The following EXOSC10 variants were observed in gnomAD, a reference collection of about 807,000 sequenced individuals.
EXOSC10 encodes exosome complex component 10.
A neutral mutation model predicts 126.6 loss-of-function variants in EXOSC10; 94 were observed. That is an observed-to-expected ratio of 0.74 (90% CI 0.63 to 0.88). The LOEUF (loss-of-function observed/expected upper bound fraction) is 0.88. EXOSC10 is among the 40% of genes least tolerant of loss of function. The pLI is 0.00. For synonymous variants in EXOSC10, 395 were observed against 400.8 expected (o/e 0.99, Z 0.17); for missense variants, 1,041 against 1,100.5 (o/e 0.95, Z 0.77).
Position 11,070,521 on chromosome 1 carries a change from C to CAA in EXOSC10, c.2316+377_2316+378dup, listed in dbSNP as rs70977541. 9.6e-4 allele frequency: 108 copies of CAA among 112,710 alleles called. 2 individuals carry two copies. Among genetic ancestry groups the CAA allele is most frequent in the African/African-American group, 3.6e-3 (91 of 24,960 alleles). 7.0% of individuals were successfully genotyped at this position (112,710 alleles called of 1,614,324 possible). ...TGTGCAACAGAGGTAGACACTACTT[C>CAA]AAAAAAAAAAAAAAAAAAAAAAGAG... On this transcript the variant is annotated intron_variant, in intron 21 of 24. Transcript: ENST00000376936.
At chr1:11,080,675 T>C in intron 12 of EXOSC10, 89 bp downstream of exon 12, 1 of 1,600,924 alleles carries the variant, frequency 6.2e-7, no homozygotes, top group Non-Finnish European at 8.5e-7. Flanking sequence ...TAACCAGCTT[T>C]CATAGCAAAA....
At chr1:11,098,615 A>G (rs1035620536) in intron 1 of EXOSC10, among the ~76,000 whole-genome samples, 8 of 152,240 alleles carry the variant, frequency 5.3e-5, no homozygotes, top group Admixed American at 2.0e-4. Flanking sequence ...TTACGACTCA[A>G]GTTCAGATCC....
chr1:11,080,709 T>A (rs1640114991), intron 12 of EXOSC10, 55 bp downstream of exon 12: 1 of 1,607,142 alleles, frequency 6.2e-7, no homozygotes, highest in African/African-American at 1.3e-5. Context: ...TATTTACTTG[T>A]TATTAGATCT....
At chr1:11,069,823 C>G in intron 21 of EXOSC10, 93 bp from the exon 22 acceptor site, 5 of 1,353,590 alleles carry the variant, frequency 3.7e-6, no homozygotes, top group Non-Finnish European at 4.1e-6. Context: ...ACCCAGCTGC[C>G]TAAGTGGTAA....
Position 11,099,672 on chromosome 1 carries a change from C to T in EXOSC10, c.111+49G>A, listed in dbSNP as rs371065722. The T allele has an allele frequency of 9.2e-5, 140 of 1,525,820 alleles. 1 individual carries two copies. The African/African-American group carries it at 1.8e-3, about 19-fold the overall frequency. 94.5% of individuals were successfully genotyped at this position (1,525,820 alleles called of 1,614,324 possible). A position where few individuals can be genotyped will look rare whatever the true frequency, so the allele number is the denominator to read the frequency against. On this transcript the variant is annotated intron_variant, in intron 1 of 24. Transcript: ENST00000376936. ...GCTGCCCAGAGGGCCCAGTCGGCTT[C>T]CGGCGGCCGCGGGCGACTCCTGGTA...
chr1:11,086,359 T>C (rs1216397326), intron 9 of EXOSC10, among the ~76,000 whole-genome samples: 6 of 152,228 alleles, frequency 3.9e-5, no homozygotes, highest in Non-Finnish European at 7.3e-5. Flanking sequence ...GAAGAGTGTA[T>C]GTGTCGAGGA....
At chr1:11,084,985 A>G (rs528325723) in intron 9 of EXOSC10, among the ~76,000 whole-genome samples, 38 of 152,232 alleles carry the variant, frequency 2.5e-4, no homozygotes, top group African/African-American at 8.7e-4. Context: ...CTATTGATCT[A>G]TATCTCTGTT....
intron 17 of EXOSC10, among the ~76,000 whole-genome samples, chr1:11,076,549 C>T (rs143463195): frequency 6.6e-6 from 1 of 152,282 alleles, no homozygotes; most frequent in East Asian, 1.9e-4. Flanking sequence ...GTTCTCTTAG[C>T]GCAGGCCCTC....
At chr1:11,083,353 G>T (rs1023275502) in intron 9 of EXOSC10, among the ~76,000 whole-genome samples, 1 of 152,078 alleles carries the variant, frequency 6.6e-6, no homozygotes, top group East Asian at 1.9e-4. Flanking sequence ...CTTGAGGTCA[G>T]GAGTTTGAGA....
At chr1:11,075,739 T>C (rs1196912694) in intron 17 of EXOSC10, among the ~76,000 whole-genome samples, 1 of 150,540 alleles carries the variant, frequency 6.6e-6, no homozygotes, top group Non-Finnish European at 1.5e-5. Flanking sequence ...TAGTCCCAGC[T>C]ACTCGAGAGA....
chr1:11,073,224 C>G (rs975555489), intron 19 of EXOSC10: 1 of 152,220 alleles, frequency 6.6e-6, no homozygotes, highest in African/African-American at 2.4e-5. Flanking sequence ...GCTCCGCCCC[C>G]CAGGTTCAAG....
chr1:11,080,517 A>G lies in EXOSC10; in HGVS notation c.1619T>C (p.Ile540Thr). The G allele has an allele frequency of 6.2e-7, 1 of 1,611,298 alleles. No homozygotes were observed. Among genetic ancestry groups the G allele is most frequent in the Non-Finnish European group, 8.5e-7 (1 of 1,179,474 alleles). Reference protein sequence around the residue: ...YVLPNHMMLKIAEELPKEPQG... With the variant: ...YVLPNHMMLKTAEELPKEPQG... Reference sequence around the variant, plus strand: ...AACTCACTTAGGCAGTTCTTCAGCTATTTTCAGCATCATGTGGTTTGGCAG... The same window carrying G: ...AACTCACTTAGGCAGTTCTTCAGCTGTTTTCAGCATCATGTGGTTTGGCAG... Residue 540 changes from isoleucine (I) to threonine (T), a missense_variant, in exon 13 of 25, where the codon ATA becomes ACA. By Grantham distance (89) the Ile-to-Thr change is moderately conservative. Transcript: ENST00000376936.
At position 11,072,002 on chromosome 1, in the gene EXOSC10, G is replaced by A. The variant is rs569863330; in HGVS notation, c.2242+85C>T. 45 of 1,103,410 alleles carry A rather than the reference G, an allele frequency of 4.1e-5. 1 individual carries two copies. The Admixed American group carries it at 6.2e-4, about 15-fold the overall frequency. 68.4% of individuals were successfully genotyped at this position (1,103,410 alleles called of 1,614,324 possible). A position where few individuals can be genotyped will look rare whatever the true frequency, so the allele number is the denominator to read the frequency against. On this transcript the variant is annotated intron_variant, in intron 20 of 24. Coordinates refer to ENST00000376936, the MANE Select transcript of EXOSC10 (RefSeq NM_001001998.3). The stretch of plus-strand genomic sequence containing the variant: ...AAGCCCCACAGGGGCTTCATTCATC[G>A]CCGTATCTGGCACTTGGCTGAAACA...
chr1:11,097,725 C>CAA lies in EXOSC10; in HGVS notation c.248+293_248+294dup, dbSNP rs561697293. On this transcript the variant is annotated intron_variant, in intron 2 of 24. Coordinates refer to ENST00000376936, the MANE Select transcript of EXOSC10 (RefSeq NM_001001998.3). ...TGGGCAATAGAGCGAGACTCCGTCT[C>CAA]AAAAAAAAAAAAGAATCTTGGCTCT... 2.7e-3 allele frequency among the ~76,000 whole-genome samples: 350 copies of CAA among 129,626 alleles called. 8 individuals carry two copies. The highest frequency in any genetic ancestry group is 0.027 in the Admixed American group (343 of 12,938). 85.0% of individuals were successfully genotyped at this position (129,626 alleles called of 152,430 possible).
chr1:11,096,474 T>TC (rs940773614), intron 2 of EXOSC10, among the ~76,000 whole-genome samples: 6 of 141,154 alleles, frequency 4.3e-5, no homozygotes, highest in Non-Finnish European at 6.3e-5. Flanking sequence ...TTTCTTTCTT[T>TC]TTTTTTTTTT....
At chr1:11,099,341 G>A (rs1248137587) in intron 1 of EXOSC10, among the ~76,000 whole-genome samples, 1 of 152,196 alleles carries the variant, frequency 6.6e-6, no homozygotes, top group Non-Finnish European at 1.5e-5. Flanking sequence ...CGCGGGAGGA[G>A]ACAACTCCAG....
intron 12 of EXOSC10, 84 bp downstream of exon 12, chr1:11,080,680 G>A: frequency 6.3e-7 from 1 of 1,599,430 alleles, no homozygotes; most frequent in Non-Finnish European, 8.5e-7. Flanking sequence ...AGCTTTCATA[G>A]CAAAAGAAAA....
chr1:11,096,027 A>G (rs1240561414), intron 2 of EXOSC10, 146 bp from the exon 3 acceptor site: 1 of 865,130 alleles, frequency 1.2e-6, no homozygotes, highest in Non-Finnish European at 1.7e-6. Flanking sequence ...TCTGTTGCCC[A>G]GGCTGGAGTT....
intron 14 of EXOSC10, 99 bp downstream of exon 14, chr1:11,079,612 T>C (rs1570812170): frequency 2.0e-6 from 2 of 981,660 alleles, no homozygotes; most frequent in East Asian, 5.5e-5. Flanking sequence ...CAGGCTGGTC[T>C]CGAACTCCTG....
Sources: allele counts gnomAD v4.1 joint callset (sites outside exome capture counted in the v4.1 genomes callset), GRCh38; gene constraint gnomAD v4.1.1; transcripts MANE v1.5; gene names NCBI Gene and HGNC (gene_info 2026-07-23, HGNC 2026-07-21).